The following CSMD3 variants were observed in gnomAD, a reference collection of about 807,000 sequenced individuals.
CSMD3 encodes CUB and sushi domain-containing protein 3.
In CSMD3, 177 loss-of-function variants were observed where a neutral mutation model predicts 435.2. That is an observed-to-expected ratio of 0.41 (90% CI 0.36 to 0.46). The LOEUF (loss-of-function observed/expected upper bound fraction) is 0.46, where lower values mean the gene tolerates loss of function less well. Among genes scored for constraint, CSMD3 ranks in the 20% least tolerant of loss-of-function variants. The probability of loss-of-function intolerance (pLI) is 0.34; values close to 1 mark genes in which losing one functional copy is unlikely to be tolerated. For missense variants in CSMD3, 4,265 were observed against 4,504.6 expected (o/e 0.95, Z 1.52); for synonymous variants, 1,656 against 1,520.5 (o/e 1.09, Z -2.07).
intron 3 of CSMD3, among the ~76,000 whole-genome samples, chr8:113,252,056 ACTG>A (rs1373705654): frequency 2.0e-5 from 3 of 152,036 alleles, no homozygotes; most frequent in Admixed American, 1.3e-4. Context: ...TATTTTTCAT[ACTG>A]CTGCTATTAT....
chr8:112,456,961 CT>C (rs1319295990), intron 32 of CSMD3, among the ~76,000 whole-genome samples: 1 of 151,970 alleles, frequency 6.6e-6, no homozygotes, highest in African/African-American at 2.4e-5. Flanking sequence ...GGATGTGTTC[CT>C]GAGAAATTAT....
chr8:113,086,977 T>G (rs2089807838), intron 5 of CSMD3, among the ~76,000 whole-genome samples: 1 of 152,220 alleles, frequency 6.6e-6, no homozygotes, highest in Non-Finnish European at 1.5e-5. Flanking sequence ...TCTTTTAATA[T>G]CTGAATATGT....
intron 3 of CSMD3, among the ~76,000 whole-genome samples, chr8:113,187,892 G>A (rs2092531556): frequency 1.3e-5 from 2 of 151,776 alleles, no homozygotes; most frequent in South Asian, 2.1e-4. Context: ...ATTGCCTTAC[G>A]CTTGCCTAGC....
chr8:112,336,860 T>G, intron 43 of CSMD3, 31 bp from the exon 44 acceptor site: 1 of 1,567,748 alleles, frequency 6.4e-7, no homozygotes, highest in Non-Finnish European at 8.8e-7. Flanking sequence ...CAAAATAATA[T>G]TTTAAAATAA....
intron 10 of CSMD3, among the ~76,000 whole-genome samples, chr8:112,911,143 A>C (rs533830809): frequency 6.6e-6 from 1 of 151,854 alleles, no homozygotes; most frequent in Non-Finnish European, 1.5e-5. Context: ...CTAAAGTCAT[A>C]TTACTTTTTA....
chr8:112,406,618 A>C lies in CSMD3; in HGVS notation c.5715T>G (p.Asn1905Lys), dbSNP rs1831883199. Reference protein sequence around the residue: ...AVGSSVLFDCNPGYILHGSIA... With the variant: ...AVGSSVLFDCKPGYILHGSIA... ...TGGATCCATGGAGAATATATCCTGG[A>C]TTACAATCAAAAAGAACCGATGAAC... The change falls in exon 35 of 71, where the codon AAT becomes AAG. Residue 1905 changes from asparagine to lysine, a missense_variant. Coordinates refer to ENST00000297405, the MANE Select transcript of CSMD3 (RefSeq NM_198123.2). 6.2e-7 allele frequency: 1 copy of C among 1,612,776 alleles called. No individual in the cohort carries two copies. The highest frequency in any genetic ancestry group is 1.3e-5 in the African/African-American group (1 of 74,890).
At chr8:112,870,413 T>C (rs2081100572) in intron 10 of CSMD3, among the ~76,000 whole-genome samples, 1 of 151,300 alleles carries the variant, frequency 6.6e-6, no homozygotes, top group Admixed American at 6.6e-5. Flanking sequence ...GGACTACAGG[T>C]GCCTGCCACC....
chr8:113,154,957 T>A (rs2091903392), intron 4 of CSMD3, among the ~76,000 whole-genome samples: 1 of 152,016 alleles, frequency 6.6e-6, no homozygotes, highest in African/African-American at 2.4e-5. Context: ...CCTCAGAAAG[T>A]TAAAATAAAT....
intron 32 of CSMD3, among the ~76,000 whole-genome samples, chr8:112,416,327 T>C (rs1177470999): frequency 6.6e-6 from 1 of 152,182 alleles, no homozygotes; most frequent in Non-Finnish European, 1.5e-5. Flanking sequence ...AGAAAGTGCC[T>C]GCTTCTCCTT....
At chr8:112,600,740 C>T (rs180777866) in intron 22 of CSMD3, among the ~76,000 whole-genome samples, 92 of 151,818 alleles carry the variant, frequency 6.1e-4, no homozygotes, top group African/African-American at 2.1e-3. Flanking sequence ...TGCTGGAGTG[C>T]GATCTCGGCT....
At chr8:112,535,067 C>A (rs985588329) in intron 27 of CSMD3, among the ~76,000 whole-genome samples, 2 of 152,102 alleles carry the variant, frequency 1.3e-5, no homozygotes, top group African/African-American at 4.8e-5. Context: ...AACCCACAGC[C>A]AATATGGGCA....
At chr8:112,350,828 A>G (rs62514420) in intron 40 of CSMD3, among the ~76,000 whole-genome samples, 27,301 of 151,978 alleles carry the variant, frequency 0.18, 3,031 homozygotes, top group Middle Eastern at 0.34. Flanking sequence ...TTCCCGCTCA[A>G]TAGTAAGCAA....
intron 3 of CSMD3, among the ~76,000 whole-genome samples, chr8:113,234,322 T>G (rs1001405995): frequency 6.6e-6 from 1 of 152,240 alleles, no homozygotes; most frequent in East Asian, 1.9e-4. Flanking sequence ...TAGAATTTAC[T>G]TAAGCAGCTA....
At chr8:112,902,121 T>G (rs2082122031) in intron 10 of CSMD3, among the ~76,000 whole-genome samples, 1 of 151,322 alleles carries the variant, frequency 6.6e-6, no homozygotes, top group Non-Finnish European at 1.5e-5. Context: ...TATAAGTGTC[T>G]GTGACTAATG....
At chr8:112,415,971 A>G (rs966524123) in intron 32 of CSMD3, among the ~76,000 whole-genome samples, 3 of 152,128 alleles carry the variant, frequency 2.0e-5, no homozygotes, top group African/African-American at 7.2e-5. Flanking sequence ...GGTAGAAGGG[A>G]CTTGCCTTGT....
intron 9 of CSMD3, among the ~76,000 whole-genome samples, chr8:112,930,571 CAA>C (rs1281562873): frequency 3.3e-5 from 5 of 151,858 alleles, no homozygotes; most frequent in African/African-American, 9.7e-5. Flanking sequence ...CCAAAATGAT[CAA>C]GTTTATTTTT....
At chr8:113,382,695 G>A (rs2094421881) in intron 1 of CSMD3, among the ~76,000 whole-genome samples, 1 of 152,010 alleles carries the variant, frequency 6.6e-6, no homozygotes, top group Admixed American at 6.6e-5. Context: ...TTTTAAAACA[G>A]TTGGCCAGGC....
At chr8:112,380,116 T>A (rs1249118816) in intron 38 of CSMD3, among the ~76,000 whole-genome samples, 1 of 152,212 alleles carries the variant, frequency 6.6e-6, no homozygotes, top group Admixed American at 6.5e-5. Flanking sequence ...GAGGGTAGAT[T>A]TCACATTAAT....
chr8:112,804,650 CATTT>C (rs869122474), intron 12 of CSMD3, among the ~76,000 whole-genome samples: 1 of 98,454 alleles, frequency 1.0e-5, no homozygotes, highest in Admixed American at 1.2e-4. Context: ...TAACTCATTG[CATTT>C]ATTTTATTTT....
Sources: allele counts gnomAD v4.1 joint callset (sites outside exome capture counted in the v4.1 genomes callset), GRCh38; gene constraint gnomAD v4.1.1; transcripts MANE v1.5; gene names NCBI Gene and HGNC (gene_info 2026-07-23, HGNC 2026-07-21).